STRADA: variants seen among roughly 807,000 people sequenced by gnomAD.
STRADA encodes the protein STE20 related adaptor alpha, also known as STE20-related kinase adapter protein alpha.
Under a neutral mutation model 55.0 loss-of-function variants are expected in STRADA, and 26 were observed. The observed-to-expected ratio is 0.47, with a 90% confidence interval of 0.35 to 0.66. The LOEUF (loss-of-function observed/expected upper bound fraction) is 0.66, where lower values mean the gene tolerates loss of function less well. Among genes scored for constraint, STRADA ranks in the 30% least tolerant of loss-of-function variants. The probability of loss-of-function intolerance (pLI) is 0.01; values close to 1 mark genes in which losing one functional copy is unlikely to be tolerated. For synonymous variants in STRADA, 197 were observed against 210.9 expected (o/e 0.93, Z 0.57); for missense variants, 443 against 549.7 (o/e 0.81, Z 1.94).
chr17:63,721,449 TG>T (rs976033354), intron 4 of STRADA, among the ~76,000 whole-genome samples: 2 of 147,792 alleles, frequency 1.4e-5, no homozygotes, highest in Non-Finnish European at 3.0e-5. Flanking sequence ...CTGGGCACGG[TG>T]GCTCACGCCT....
chr17:63,737,022 GCAGAT>G (rs1444525312), intron 1 of STRADA, among the ~76,000 whole-genome samples: 1 of 151,852 alleles, frequency 6.6e-6, no homozygotes, highest in East Asian at 1.9e-4. Flanking sequence ...GCTGAGGAGG[GCAGAT>G]CACCTGAGGT....
intron 1 of STRADA, among the ~76,000 whole-genome samples, chr17:63,730,652 G>A (rs2037974909): frequency 6.6e-6 from 1 of 152,038 alleles, no homozygotes; most frequent in Non-Finnish European, 1.5e-5. Flanking sequence ...TGCCTCCCAG[G>A]TTCAAGTGAT....
chr17:63,739,867 C>T (rs1394485530), intron 1 of STRADA, among the ~76,000 whole-genome samples: 1 of 125,874 alleles, frequency 7.9e-6, no homozygotes, highest in Non-Finnish European at 1.6e-5. Context: ...TTATATGGCC[C>T]GGGACGGCTG....
At chr17:63,711,740 C>T (rs961602366) in intron 6 of STRADA, among the ~76,000 whole-genome samples, 1 of 152,028 alleles carries the variant, frequency 6.6e-6, no homozygotes, top group African/African-American at 2.4e-5. Flanking sequence ...TGGAGACCAG[C>T]CTGGGCAACA....
At chr17:63,707,769 C>T (rs926260846) in intron 8 of STRADA, among the ~76,000 whole-genome samples, 11 of 150,662 alleles carry the variant, frequency 7.3e-5, no homozygotes, top group Non-Finnish European at 1.0e-4. Flanking sequence ...CTTGCTCTGT[C>T]GCACAGACTG....
chr17:63,721,571 G>A (rs1489383175), intron 4 of STRADA, among the ~76,000 whole-genome samples: 2 of 151,394 alleles, frequency 1.3e-5, no homozygotes, highest in Non-Finnish European at 2.9e-5. Context: ...AAAATTAGCT[G>A]GGTGTGATGG....
chr17:63,728,361 A>G lies in STRADA; in HGVS notation c.9T>C (p.Phe3=). 1 of 1,613,312 alleles carries G rather than the reference A, an allele frequency of 6.2e-7. No homozygotes were observed. The highest frequency in any genetic ancestry group is 8.5e-7 in the Non-Finnish European group (1 of 1,179,726). Residue 3 remains phenylalanine (F), a synonymous_variant, in exon 2 of 13, where the codon TTT becomes TTC. Coordinates refer to ENST00000336174, the MANE Select transcript of STRADA (RefSeq NM_001003787.4). ...TGATTCGCTCTGGTTTACTTACAAGAAATGACATGAGTTCCTACTGTGTAG... is the reference window on the plus strand; with the variant it reads ...TGATTCGCTCTGGTTTACTTACAAGGAATGACATGAGTTCCTACTGTGTAG... MS[F]LVSKPERIRR...
chr17:63,720,771 TAAAAAAA>T (rs777238779), intron 4 of STRADA, among the ~76,000 whole-genome samples: 2 of 108,906 alleles, frequency 1.8e-5, no homozygotes, highest in Non-Finnish European at 3.8e-5. Context: ...CGAGACTGTT[TAAAAAAA>T]AAAAAAAAAA....
At chr17:63,740,094 A>ATG (rs1187059470) in intron 1 of STRADA, among the ~76,000 whole-genome samples, 1 of 72,294 alleles carries the variant, frequency 1.4e-5, no homozygotes, top group East Asian at 3.1e-4. Flanking sequence ...CACTATATAT[A>ATG]TATATATATA....
intron 4 of STRADA, 58 bp from the exon 5 acceptor site, chr17:63,714,166 G>T: frequency 1.5e-6 from 2 of 1,310,990 alleles, no homozygotes; most frequent in Non-Finnish European, 2.2e-6. Context: ...GATGGGAGTG[G>T]GGTGAAGGTG....
intron 2 of STRADA, 46 bp downstream of exon 2, chr17:63,728,288 T>C (rs1277666598): frequency 1.9e-6 from 3 of 1,605,142 alleles, no homozygotes; most frequent in Non-Finnish European, 2.6e-6. Context: ...ACACTGCTTT[T>C]CAGAAAACAA....
At chr17:63,727,981 A>C (rs2037766060) in intron 2 of STRADA, 1 of 183,880 alleles carries the variant, frequency 5.4e-6, no homozygotes, top group Non-Finnish European at 1.1e-5. Context: ...TAGTAATTAC[A>C]ACTTGATTTT....
chr17:63,707,130 C>T, intron 9 of STRADA, 117 bp downstream of exon 9: 1 of 1,352,230 alleles, frequency 7.4e-7, no homozygotes, highest in Middle Eastern at 2.6e-4. Context: ...CTCCCTCCCT[C>T]CAGGAACCCC....
At chr17:63,713,579 T>A in intron 5 of STRADA, 52 bp from the exon 6 acceptor site, 4 of 1,584,728 alleles carry the variant, frequency 2.5e-6, no homozygotes, top group Non-Finnish European at 3.4e-6. Context: ...CAAAAGGTTT[T>A]AAGAAAATTT....
chr17:63,718,691 G>GT (rs755987839), intron 4 of STRADA: 1 of 152,232 alleles, frequency 6.6e-6, no homozygotes, highest in Admixed American at 6.5e-5. Flanking sequence ...ACATAAACAA[G>GT]TGTGTTCCAG....
chr17:63,708,564 T>A (rs562470130), intron 8 of STRADA, among the ~76,000 whole-genome samples: 170 of 152,236 alleles, frequency 1.1e-3, no homozygotes, highest in Non-Finnish European at 1.3e-3. Context: ...AAAGCTTATT[T>A]AGCTCTGTCA....
rs1032236654 is a variant in STRADA, at chr17:63,704,907, C to T, written c.859-325G>A. ...AATTCCTTTTACCGTAGAGTCTTCA[C>T]CCTAGAGGGAAGGAGCAGTCAGATG... is the stretch of plus-strand genomic sequence containing the variant. On this transcript the variant is annotated intron_variant, in intron 10 of 12. Transcript: ENST00000336174. The T allele has an allele frequency of 5.2e-6, 8 of 1,535,954 alleles. No individual in the cohort carries two copies. The East Asian group carries it at 7.3e-5, about 14-fold the overall frequency.
intron 6 of STRADA, 40 bp from the exon 7 acceptor site, chr17:63,710,876 A>G: frequency 6.3e-7 from 1 of 1,575,014 alleles, no homozygotes; most frequent in Non-Finnish European, 8.7e-7. Context: ...ACCAAATGGC[A>G]CTGAAGGATG....
chr17:63,710,476 C>A lies in STRADA; in HGVS notation c.581+15G>T. 1 of 1,612,754 alleles carries A rather than the reference C, an allele frequency of 6.2e-7. No individual in the cohort carries two copies. The highest frequency in any genetic ancestry group is 8.5e-7 in the Non-Finnish European group (1 of 1,179,794). ...TACCCACTGTAATCATGGGAAAGGC[C>A]GCCTAAGAACGCACCTGTGTACATA... On this transcript the variant is annotated intron_variant, in intron 8 of 12. Coordinates refer to ENST00000336174, the MANE Select transcript of STRADA (RefSeq NM_001003787.4).
Sources: gnomAD v4.1 joint callset for allele counts (sites outside exome capture counted in the v4.1 genomes callset) on GRCh38, gnomAD v4.1.1 for gene constraint, MANE v1.5 for transcripts, NCBI Gene and HGNC (gene_info 2026-07-23, HGNC 2026-07-21) for gene names.